Variants in NRP1 observed in about 807,000 individuals in gnomAD.
NRP1 encodes neuropilin-1.
Under a neutral mutation model 106.7 loss-of-function variants are expected in NRP1, and 35 were observed. That is an observed-to-expected ratio of 0.33 (90% confidence interval 0.25 to 0.43). The LOEUF (loss-of-function observed/expected upper bound fraction) is 0.43, where lower values mean the gene tolerates loss of function less well. Ranked by LOEUF, NRP1 falls within the 20% of genes least tolerant of loss-of-function variation. The pLI is 1.00. For missense variants in NRP1, 1,024 were observed against 1,170.4 expected, an observed-to-expected ratio of 0.87 and a Z score of 1.83; for synonymous variants, 437 against 417.9, an observed-to-expected ratio of 1.05 and a Z score of -0.56.
intron 8 of NRP1, among the ~76,000 whole-genome samples, chr10:33,216,295 G>A (rs1302452663): frequency 6.6e-6 from 1 of 151,424 alleles, no homozygotes; most frequent in East Asian, 1.9e-4. Flanking sequence ...CTGCCACCAC[G>A]CCCGGCTTAT....
chr10:33,319,151 C>T (rs2132860588), intron 2 of NRP1, among the ~76,000 whole-genome samples: 1 of 151,790 alleles, frequency 6.6e-6, no homozygotes, highest in South Asian at 2.1e-4. Context: ...ACTACAGGCG[C>T]CCGCCACCAT....
At chr10:33,268,902 G>C (rs1788882162) in intron 3 of NRP1, among the ~76,000 whole-genome samples, 1 of 152,140 alleles carries the variant, frequency 6.6e-6, no homozygotes, top group South Asian at 2.1e-4. Context: ...ATTTCTGAAA[G>C]TTCTCTCCAT....
At chr10:33,246,296 C>T (rs4934849) in intron 6 of NRP1, among the ~76,000 whole-genome samples, 26,765 of 151,776 alleles carry the variant, frequency 0.18, 2,788 homozygotes, top group East Asian at 0.51. Flanking sequence ...TCAAATGACT[C>T]CCTGTGATGT....
At chr10:33,190,570 C>G (rs530101402) in intron 13 of NRP1, among the ~76,000 whole-genome samples, 1 of 152,172 alleles carries the variant, frequency 6.6e-6, no homozygotes, top group Non-Finnish European at 1.5e-5. Context: ...ATGGGAAAGG[C>G]ATGAAGTACC....
At chr10:33,300,131 G>A (rs1283724489) in intron 2 of NRP1, among the ~76,000 whole-genome samples, 2 of 152,094 alleles carry the variant, frequency 1.3e-5, no homozygotes, top group African/African-American at 2.4e-5. Context: ...TTGCTATCAC[G>A]GGGACACCCT....
intron 11 of NRP1, among the ~76,000 whole-genome samples, chr10:33,197,948 T>C (rs1836910908): frequency 6.6e-6 from 1 of 151,986 alleles, no homozygotes; most frequent in South Asian, 2.1e-4. Flanking sequence ...AATAAAATAA[T>C]TGTCTAAATT....
At chr10:33,247,906 C>A (rs1219361657) in intron 6 of NRP1, among the ~76,000 whole-genome samples, 1 of 152,252 alleles carries the variant, frequency 6.6e-6, no homozygotes, top group Non-Finnish European at 1.5e-5. Flanking sequence ...TTTAACCCCA[C>A]TGGGCCTCAG....
intron 2 of NRP1, among the ~76,000 whole-genome samples, chr10:33,325,825 G>C (rs939721729): frequency 2.6e-5 from 4 of 152,068 alleles, no homozygotes; most frequent in Non-Finnish European, 5.9e-5. Context: ...GCCTATTGTT[G>C]GTTACACAGA....
At chr10:33,290,308 G>T (rs1399252391) in intron 2 of NRP1, among the ~76,000 whole-genome samples, 1 of 148,016 alleles carries the variant, frequency 6.8e-6, no homozygotes, top group African/African-American at 2.5e-5. Flanking sequence ...ACAAAATGCT[G>T]TCCTTTGAAG....
At chr10:33,251,988 G>C (rs955252715) in intron 6 of NRP1, among the ~76,000 whole-genome samples, 4 of 152,080 alleles carry the variant, frequency 2.6e-5, no homozygotes, top group Admixed American at 2.6e-4. Flanking sequence ...CTGCTTTCCC[G>C]CCTAAATGTT....
rs1413431395 is a variant in NRP1 at position 33,199,367 on chromosome 10, C to CTATATA, written c.1865-1664_1865-1659dup. ...GTGCGCCACCATGCCTGGCTGTTTT[C>CTATATA]TATATATATATATATATATATATTT... On this transcript the variant is annotated intron_variant, in intron 11 of 16. Coordinates refer to ENST00000374867, the MANE Select transcript of NRP1 (RefSeq NM_003873.7). 2.9e-3 allele frequency among the ~76,000 whole-genome samples: 156 copies of CTATATA among 54,284 alleles called. 3 individuals carry two copies. The highest frequency in any genetic ancestry group is 0.013 in the Middle Eastern group (1 of 80). 35.6% of individuals were successfully genotyped at this position (54,284 alleles called of 152,430 possible).
At chr10:33,312,835 G>C (rs1846703419) in intron 2 of NRP1, among the ~76,000 whole-genome samples, 1 of 151,938 alleles carries the variant, frequency 6.6e-6, no homozygotes, top group Non-Finnish European at 1.5e-5. Context: ...TTCTTTACAA[G>C]CTAATGTTAA....
At position 33,199,490 on chromosome 10, in the gene NRP1, G is replaced by A. The variant is rs370815374; in HGVS notation, c.1865-1781C>T. On this transcript the variant is annotated intron_variant, in intron 11 of 16. Coordinates refer to ENST00000374867, the MANE Select transcript of NRP1 (RefSeq NM_003873.7). Reference sequence around the variant, plus strand: ...ACTTCTGACCTCAAGTGATCTTCTCGCTTTGGCCTCCCAAAGTGCTGGTGT... The same window carrying A: ...ACTTCTGACCTCAAGTGATCTTCTCACTTTGGCCTCCCAAAGTGCTGGTGT... Among the ~76,000 whole-genome samples the A allele has an allele frequency of 1.9e-4, 25 of 133,952 alleles. 1 individual carries two copies. The South Asian group carries it at 5.7e-3, about 30-fold the overall frequency. 87.9% of individuals were successfully genotyped at this position (133,952 alleles called of 152,430 possible).
chr10:33,260,196 A>G (rs1367784088), intron 4 of NRP1, among the ~76,000 whole-genome samples: 1 of 152,170 alleles, frequency 6.6e-6, no homozygotes, highest in Non-Finnish European at 1.5e-5. Context: ...AAGTATTTTG[A>G]ATAATAAACG....
intron 2 of NRP1, among the ~76,000 whole-genome samples, chr10:33,324,206 T>G (rs1217755359): frequency 1.3e-5 from 2 of 151,988 alleles, no homozygotes; most frequent in African/African-American, 2.4e-5. Context: ...GGGAAAAAAA[T>G]CAAAAGGAAG....
intron 12 of NRP1, among the ~76,000 whole-genome samples, chr10:33,195,737 A>G (rs1836736560): frequency 2.0e-5 from 3 of 152,170 alleles, no homozygotes; most frequent in Non-Finnish European, 2.9e-5. Flanking sequence ...TCCTTCCAGG[A>G]AGGTCAGACA....
At position 33,270,662 on chromosome 10, in the gene NRP1, G is replaced by A; in HGVS notation, c.430+13C>T. On this transcript the variant is annotated intron_variant, in intron 3 of 16. Coordinates refer to ENST00000374867, the MANE Select transcript of NRP1 (RefSeq NM_003873.7). ...CTTAGTCATTCTTGTTCTACCGTAA[G>A]CTGTTCACTCACCTCTCTTGAAAAT... is the stretch of plus-strand genomic sequence containing the variant. 14 of 1,603,906 alleles carry A rather than the reference G, an allele frequency of 8.7e-6. No homozygotes were observed. Among genetic ancestry groups the A allele is most frequent in the Admixed American group, 1.7e-5 (1 of 58,998 alleles).
intron 8 of NRP1, among the ~76,000 whole-genome samples, chr10:33,214,657 A>G (rs1838609684): frequency 6.6e-6 from 1 of 152,186 alleles, no homozygotes; most frequent in Admixed American, 6.5e-5. Context: ...TAAGCATGTC[A>G]TTCTCATCCT....
chr10:33,209,949 G>A (rs1838166572), intron 9 of NRP1, among the ~76,000 whole-genome samples: 1 of 152,238 alleles, frequency 6.6e-6, no homozygotes, highest in Non-Finnish European at 1.5e-5. Flanking sequence ...AGGAGTGGGA[G>A]CCATGCCCAG....
Sources: gnomAD v4.1 joint callset for allele counts (sites outside exome capture counted in the v4.1 genomes callset) on GRCh38, gnomAD v4.1.1 for gene constraint, MANE v1.5 for transcripts, NCBI Gene and HGNC (gene_info 2026-07-23, HGNC 2026-07-21) for gene names.